Variants in HNRNPL observed in about 807,000 individuals in gnomAD.
HNRNPL encodes heterogeneous nuclear ribonucleoprotein L.
HNRNPL carries 12 observed loss-of-function variants against 64.0 expected under a neutral mutation model. The ratio of observed to expected loss-of-function variants is 0.19; its 90% CI spans 0.12 to 0.30. The LOEUF (loss-of-function observed/expected upper bound fraction) is 0.30, where lower values mean the gene tolerates loss of function less well. Ranked by LOEUF, HNRNPL falls within the 10% of genes least tolerant of loss-of-function variation. The pLI is 1.00. For synonymous variants in HNRNPL, 385 were observed against 313.0 expected, an observed-to-expected ratio of 1.23 and a Z score of -2.43; for missense variants, 484 against 797.4, an observed-to-expected ratio of 0.61 and a Z score of 4.73.
At chr19:38,841,357 G>C in intron 6 of HNRNPL, 14 of 350,192 alleles carry the variant, frequency 4.0e-5, no homozygotes, top group South Asian at 3.0e-4. Context: ...CAGATAAGAA[G>C]ACTGAGTTGT....
At chr19:38,839,223 A>G in intron 8 of HNRNPL, 1 of 568,722 alleles carries the variant, frequency 1.8e-6, no homozygotes, top group Non-Finnish European at 3.1e-6. Context: ...ACTGTGGGAC[A>G]TAACCCACCA....
rs752544577 is a variant in HNRNPL, at chr19:38,844,138, G to C, written c.711-34C>G. 4.9e-5 allele frequency: 69 copies of C among 1,410,378 alleles called. No homozygotes were observed. In the Middle Eastern group the frequency reaches 7.0e-4, roughly 14 times the overall value. The allele number at this position is 1,410,378 out of a possible 1,614,324, so 87.4% of individuals were successfully genotyped here. A position where few individuals can be genotyped will look rare whatever the true frequency, so the allele number is the denominator to read the frequency against. On this transcript the variant is annotated intron_variant, in intron 4 of 12. Transcript: ENST00000221419. ...AGTTAAGGAAAGTCCCATCACAGGA[G>C]ATCTTTGAGAAGGGCTTCAAGTTAC... is the stretch of plus-strand genomic sequence containing the variant.
intron 6 of HNRNPL, 107 bp from the exon 7 acceptor site, chr19:38,840,666 C>T: frequency 1.2e-6 from 1 of 861,986 alleles, no homozygotes. Flanking sequence ...CAACTGCAAG[C>T]CCTCCCTTCC....
At chr19:38,850,180 TG>T (rs1345506694), upstream of HNRNPL, 2 of 408,532 alleles carry the variant, frequency 4.9e-6, no homozygotes, top group African/African-American at 4.1e-5. Context: ...GGTCGCTTTC[TG>T]CCAGTCTTTC....
intron 1 of HNRNPL, among the ~76,000 whole-genome samples, chr19:38,848,783 A>G (rs1315495080): frequency 6.6e-6 from 1 of 152,196 alleles, no homozygotes. Context: ...GAATCCCAGT[A>G]TCTCCCCCAA....
rs534835391 is a variant in HNRNPL at position 38,845,284 on chromosome 19, T to C, written c.710+366A>G. On this transcript the variant is annotated intron_variant, in intron 4 of 12. Transcript: ENST00000221419. ...TACTAGGAAGGCTGAGGCAGGAGAATTGCTTGAACCCAGGAGGCAGAGGTT... is the reference window on the plus strand; with the variant it reads ...TACTAGGAAGGCTGAGGCAGGAGAACTGCTTGAACCCAGGAGGCAGAGGTT... The C allele has an allele frequency of 3.1e-3, 564 of 182,668 alleles. 2 individuals are homozygous for C. The highest frequency in any genetic ancestry group is 0.013 in the African/African-American group (544 of 41,892). The allele number at this position is 182,668 out of a possible 1,614,324, so 11.3% of individuals were successfully genotyped here. A position where few individuals can be genotyped will look rare whatever the true frequency, so the allele number is the denominator to read the frequency against.
At chr19:38,842,739 C>T (rs1006982049) in intron 6 of HNRNPL, among the ~76,000 whole-genome samples, 4 of 152,030 alleles carry the variant, frequency 2.6e-5, no homozygotes, top group Non-Finnish European at 4.4e-5. Context: ...CATCAGCCCT[C>T]GTTTTTTTTT....
chr19:38,848,176 C>T (rs564776504), intron 1 of HNRNPL, among the ~76,000 whole-genome samples: 2 of 152,252 alleles, frequency 1.3e-5, no homozygotes, highest in Admixed American at 1.3e-4. Flanking sequence ...CTGCAACCTC[C>T]GCCTCCCAGG....
At chr19:38,850,259 C>G (rs969870208), upstream of HNRNPL, 1 of 351,416 alleles carries the variant, frequency 2.8e-6, no homozygotes, top group Non-Finnish European at 5.1e-6. Context: ...GCTGGCCTCC[C>G]TAAAAGCACC....
intron 6 of HNRNPL, chr19:38,843,558 C>T: frequency 2.2e-6 from 1 of 447,918 alleles, no homozygotes; most frequent in Non-Finnish European, 4.0e-6. Flanking sequence ...TCTAAGGCCG[C>T]CCCCACGCCT....
chr19:38,846,487 T>C (rs188861894), intron 2 of HNRNPL, among the ~76,000 whole-genome samples: 3 of 152,312 alleles, frequency 2.0e-5, no homozygotes, highest in Admixed American at 1.3e-4. Context: ...GAAAGAACAC[T>C]GGCCAGGAGC....
chr19:38,846,635 G>A (rs1395300961), intron 2 of HNRNPL, among the ~76,000 whole-genome samples: 1 of 152,112 alleles, frequency 6.6e-6, no homozygotes, highest in Non-Finnish European at 1.5e-5. Flanking sequence ...TAGGCCGGGC[G>A]CAGTGGCTCA....
At chr19:38,839,815 T>A (rs1334016667) in intron 8 of HNRNPL, among the ~76,000 whole-genome samples, 1 of 152,232 alleles carries the variant, frequency 6.6e-6, no homozygotes, top group African/African-American at 2.4e-5. Flanking sequence ...CTATAATGGA[T>A]TCATTTTTAT....
intron 3 of HNRNPL, 35 bp downstream of exon 3, chr19:38,845,818 G>A: frequency 6.2e-7 from 1 of 1,600,008 alleles, no homozygotes; most frequent in Non-Finnish European, 8.6e-7. Context: ...AGAAAAGGAA[G>A]GGAGACCTCA....
intron 2 of HNRNPL, among the ~76,000 whole-genome samples, chr19:38,846,333 C>T (rs1423288680): frequency 6.6e-6 from 1 of 152,174 alleles, no homozygotes; most frequent in East Asian, 1.9e-4. Flanking sequence ...CAGATGCCAC[C>T]CACAGACGGC....
chr19:38,844,085 C>A lies in HNRNPL; in HGVS notation c.730G>T (p.Ala244Ser). The A allele has an allele frequency of 6.2e-7, 1 of 1,613,064 alleles. No homozygotes were observed. Among genetic ancestry groups the A allele is most frequent in the Non-Finnish European group, 8.5e-7 (1 of 1,178,988 alleles). ...AMVEFDSVQS[A>S]QRAKASLNGA... ...TTGAGAGAGGCCTTGGCCCGCTGGG[C>A]ACTTTGAACTGAGTCAAATGTGAGT... Residue 244 changes from alanine (A) to serine (S), a missense_variant, in exon 5 of 13, where the codon GCC becomes TCC. By Grantham distance (99) the Ala-to-Ser change is moderately conservative. Around this residue, in one of 9 missense-constraint regions of HNRNPL, gnomAD observed 60 missense variants for 192.2 expected, o/e 0.31. Coordinates refer to ENST00000221419, the MANE Select transcript of HNRNPL (RefSeq NM_001533.3).
rs894661746 is a variant in HNRNPL, at chr19:38,836,656, C to CA, written c.*65dup. The CA allele has an allele frequency of 5.5e-6, 2 of 362,102 alleles. No homozygotes were observed. The highest frequency in any genetic ancestry group is 4.2e-5 in the African/African-American group (1 of 23,726). 22.4% of individuals were successfully genotyped at this position (362,102 alleles called of 1,614,324 possible). A position where few individuals can be genotyped will look rare whatever the true frequency, so the allele number is the denominator to read the frequency against. ...CAAGATCTTTTGCAAATAACAAAAA[C>CA]AAAAAATGGCATAAAGGAAAGAGAA... On this transcript the variant is annotated 3_prime_UTR_variant, in exon 13 of 13. Coordinates refer to ENST00000221419, the MANE Select transcript of HNRNPL (RefSeq NM_001533.3).
At chr19:38,839,964 C>CTGA in intron 8 of HNRNPL, 132 bp downstream of exon 8, 1 of 779,536 alleles carries the variant, frequency 1.3e-6, no homozygotes, top group Non-Finnish European at 2.2e-6. Flanking sequence ...AGCAGGCTGC[C>CTGA]TGAGCTCACT....
At chr19:38,847,537 G>A (rs979454820) in intron 1 of HNRNPL, 103 bp from the exon 2 acceptor site, 14 of 602,096 alleles carry the variant, frequency 2.3e-5, no homozygotes, top group Admixed American at 1.0e-4. Flanking sequence ...ACAGTTGGAG[G>A]TCATCCGTGA....
Sources: gnomAD v4.1 joint callset for allele counts (sites outside exome capture counted in the v4.1 genomes callset) on GRCh38, gnomAD v4.1.1 for gene constraint, gnomAD v4.1.1 regional missense constraint, MANE v1.5 for transcripts, NCBI Gene and HGNC (gene_info 2026-07-23, HGNC 2026-07-21) for gene names.